Variants in FNDC3B observed in about 807,000 individuals in gnomAD.
The protein encoded by FNDC3B is fibronectin type III domain-containing protein 3B.
Under a neutral mutation model 151.5 loss-of-function variants are expected in FNDC3B, and 12 were observed. That is an observed-to-expected ratio of 0.08 (90% confidence interval 0.05 to 0.13). FNDC3B has a LOEUF of 0.13. FNDC3B is among the 10% of genes least tolerant of loss of function. FNDC3B has a pLI of 1.00. For synonymous variants in FNDC3B, 528 were observed against 549.0 expected, an observed-to-expected ratio of 0.96 and a Z score of 0.54; for missense variants, 1,214 against 1,505.3, an observed-to-expected ratio of 0.81 and a Z score of 3.20.
At chr3:172,046,317 T>C (rs1716367465) in intron 1 of FNDC3B, among the ~76,000 whole-genome samples, 1 of 152,102 alleles carries the variant, frequency 6.6e-6, no homozygotes. Flanking sequence ...AGTTTAGACA[T>C]TGGCTCCTAA....
chr3:172,234,589 GCA>G (rs1352070811), intron 4 of FNDC3B, among the ~76,000 whole-genome samples: 1 of 152,166 alleles, frequency 6.6e-6, no homozygotes, highest in Non-Finnish European at 1.5e-5. Context: ...AAGCAGTGTG[GCA>G]CACTTATTGA....
At chr3:172,092,242 C>A (rs550148495) in intron 1 of FNDC3B, among the ~76,000 whole-genome samples, 1 of 152,246 alleles carries the variant, frequency 6.6e-6, no homozygotes, top group Admixed American at 6.5e-5. Context: ...ACCTGGAGAT[C>A]CAGGAAGAGA....
At chr3:172,180,039 A>G (rs531327863) in intron 3 of FNDC3B, among the ~76,000 whole-genome samples, 1 of 152,066 alleles carries the variant, frequency 6.6e-6, no homozygotes, top group Admixed American at 6.5e-5. Flanking sequence ...TGACCTAATG[A>G]CTCATACAAA....
At chr3:172,203,548 T>C (rs1379922547) in intron 3 of FNDC3B, among the ~76,000 whole-genome samples, 3 of 152,252 alleles carry the variant, frequency 2.0e-5, no homozygotes, top group Non-Finnish European at 4.4e-5. Flanking sequence ...GGGAAGGATG[T>C]TACATTCACA....
At chr3:172,285,837 C>T (rs1036196008) in intron 6 of FNDC3B, 89 bp from the exon 7 acceptor site, 2 of 872,388 alleles carry the variant, frequency 2.3e-6, no homozygotes, top group East Asian at 2.5e-5. Context: ...TTAATGATAA[C>T]TCCAGTTAAA....
intron 16 of FNDC3B, chr3:172,338,017 A>G (rs7610481): frequency 0.085 from 13,003 of 152,418 alleles, 578 homozygotes; most frequent in Middle Eastern, 0.14. Context: ...CTAACTTGCC[A>G]TATGTTTTCT....
At chr3:172,267,508 A>G (rs889288880) in intron 6 of FNDC3B, among the ~76,000 whole-genome samples, 10 of 152,192 alleles carry the variant, frequency 6.6e-5, no homozygotes. Context: ...GAATGCTATA[A>G]CAACTGTGCT....
chr3:172,185,525 A>G (rs1371762139), intron 3 of FNDC3B, among the ~76,000 whole-genome samples: 1 of 152,176 alleles, frequency 6.6e-6, no homozygotes, highest in Non-Finnish European at 1.5e-5. Flanking sequence ...TATCTACCGT[A>G]TTTTCAAGTT....
chr3:172,342,776 TC>T (rs991281016), intron 17 of FNDC3B, among the ~76,000 whole-genome samples: 1 of 152,212 alleles, frequency 6.6e-6, no homozygotes, highest in African/African-American at 2.4e-5. Flanking sequence ...TCAAAAATAA[TC>T]ATTCTTGTTT....
chr3:172,079,029 C>T (rs1718159211), intron 1 of FNDC3B, among the ~76,000 whole-genome samples: 1 of 152,108 alleles, frequency 6.6e-6, no homozygotes, highest in African/African-American at 2.4e-5. Flanking sequence ...TTAACTCACG[C>T]CCTATAGAAA....
intron 1 of FNDC3B, among the ~76,000 whole-genome samples, chr3:172,066,303 G>A (rs1412367417): frequency 6.6e-6 from 1 of 152,144 alleles, no homozygotes; most frequent in Non-Finnish European, 1.5e-5. Context: ...GCCATTTTAG[G>A]CATTAGAGCA....
In FNDC3B at chr3:172,295,499, A is replaced by G; in HGVS notation, c.986A>G (p.Tyr329Cys). Residue 329 changes from tyrosine to cysteine, a missense_variant, in exon 8 of 26, where the codon TAC becomes TGC. Coordinates refer to ENST00000415807, the MANE Select transcript of FNDC3B (RefSeq NM_022763.4). ...ALSDKGRDGKYKIIYSGEELE... is the reference protein window; with the variant it reads ...ALSDKGRDGKCKIIYSGEELE... ...TCAGACAAAGGACGAGATGGAAAAT[A>G]CAAGATAATTTACAGGTTGTGTATG... 6.2e-7 allele frequency: 1 copy of G among 1,613,770 alleles called. No homozygotes were observed. The highest frequency in any genetic ancestry group is 8.5e-7 in the Non-Finnish European group (1 of 1,179,808).
At chr3:172,291,036 T>C (rs1055908454) in intron 7 of FNDC3B, among the ~76,000 whole-genome samples, 1 of 152,192 alleles carries the variant, frequency 6.6e-6, no homozygotes. Context: ...TGAGAATAAA[T>C]GGTGTTTCTG....
intron 8 of FNDC3B, 92 bp downstream of exon 8, chr3:172,295,606 T>G: frequency 3.3e-6 from 4 of 1,207,820 alleles, no homozygotes; most frequent in Non-Finnish European, 4.6e-6. Context: ...CCTTATAGGC[T>G]TGGCAAATTT....
chr3:172,331,184 A>C (rs1161670138), intron 13 of FNDC3B, among the ~76,000 whole-genome samples: 1 of 152,042 alleles, frequency 6.6e-6, no homozygotes. Flanking sequence ...ATACAAATAG[A>C]TCATGTCAGC....
At chr3:172,375,731 G>C (rs1456159063) in intron 23 of FNDC3B, among the ~76,000 whole-genome samples, 2 of 152,154 alleles carry the variant, frequency 1.3e-5, no homozygotes, top group African/African-American at 4.8e-5. Context: ...GGCTACATTA[G>C]AGGACTGCTT....
intron 3 of FNDC3B, among the ~76,000 whole-genome samples, chr3:172,151,359 A>G (rs546297707): frequency 6.6e-6 from 1 of 152,292 alleles, no homozygotes; most frequent in South Asian, 2.1e-4. Flanking sequence ...TCCTATTAAA[A>G]ACTACATAAC....
chr3:172,181,395 C>CAAAAAAAAAAAAAAAA (rs755223783), intron 3 of FNDC3B, among the ~76,000 whole-genome samples: 11 of 71,520 alleles, frequency 1.5e-4, no homozygotes, highest in African/African-American at 4.4e-4. Context: ...ACTCTGTCTC[C>CAAAAAAAAAAAAAAAA]AAAAAAAAAA....
At chr3:172,178,243 G>T (rs1723710584) in intron 3 of FNDC3B, among the ~76,000 whole-genome samples, 1 of 151,986 alleles carries the variant, frequency 6.6e-6, no homozygotes, top group African/African-American at 2.4e-5. Flanking sequence ...GGGAGGAGAG[G>T]CAGGCAGAGG....
Sources: allele counts gnomAD v4.1 joint callset (sites outside exome capture counted in the v4.1 genomes callset), GRCh38; gene constraint gnomAD v4.1.1; transcripts MANE v1.5; gene names NCBI Gene and HGNC (gene_info 2026-07-23, HGNC 2026-07-21).